The following LINGO2 variants were observed in gnomAD, a reference collection of about 807,000 sequenced individuals.
The protein encoded by LINGO2 is leucine-rich repeat and immunoglobulin-like domain-containing nogo receptor-interacting protein 2.
LINGO2 carries 14 observed loss-of-function variants against 30.6 expected under a neutral mutation model. The observed-to-expected ratio is 0.46, with a 90% CI of 0.30 to 0.72. LINGO2 has a LOEUF of 0.72. Among genes scored for constraint, LINGO2 ranks in the 30% least tolerant of loss-of-function variants. The pLI is 0.07. For missense variants in LINGO2, 729 were observed against 751.7 expected (o/e 0.97, Z 0.35); for synonymous variants, 317 against 288.5 (o/e 1.10, Z -1.00).
At chr9:28,312,328 A>T (rs1320756078) in intron 3 of LINGO2, among the ~76,000 whole-genome samples, 3 of 151,976 alleles carry the variant, frequency 2.0e-5, no homozygotes, top group African/African-American at 7.2e-5. Context: ...GAAAATTGTG[A>T]ATCATTTAAA....
intron 1 of LINGO2, among the ~76,000 whole-genome samples, chr9:28,504,675 T>A (rs1413987387): frequency 6.6e-6 from 1 of 151,580 alleles, no homozygotes; most frequent in African/African-American, 2.4e-5. Flanking sequence ...ATTTTATACC[T>A]AATAGATATA....
At chr9:27,997,143 G>T (rs1451950921) in intron 5 of LINGO2, among the ~76,000 whole-genome samples, 2 of 152,036 alleles carry the variant, frequency 1.3e-5, no homozygotes, top group Non-Finnish European at 2.9e-5. Flanking sequence ...GCTTTATACT[G>T]AATTTAATCA....
At chr9:28,010,001 A>G (rs1161788764) in intron 5 of LINGO2, among the ~76,000 whole-genome samples, 5 of 152,218 alleles carry the variant, frequency 3.3e-5, no homozygotes, top group African/African-American at 1.2e-4. Flanking sequence ...GGATAAATAA[A>G]ATGTGTTATC....
the LINGO2 span, among the ~76,000 whole-genome samples, chr9:28,803,492 T>G: frequency 6.6e-6 from 1 of 151,770 alleles, no homozygotes; most frequent in African/African-American, 2.4e-5. Flanking sequence ...TTAAATAATT[T>G]TAAATATGAT....
chr9:28,894,208 A>C, the LINGO2 span, among the ~76,000 whole-genome samples: 3 of 152,118 alleles, frequency 2.0e-5, no homozygotes, highest in Non-Finnish European at 4.4e-5. Context: ...GTCACAATAA[A>C]CATACGTGTG....
At chr9:28,500,998 G>A (rs1819859730) in intron 1 of LINGO2, among the ~76,000 whole-genome samples, 1 of 152,092 alleles carries the variant, frequency 6.6e-6, no homozygotes, top group Non-Finnish European at 1.5e-5. Context: ...AAAATAACAT[G>A]TAAGTAGTAG....
At chr9:28,031,016 T>C (rs1823641443) in intron 4 of LINGO2, among the ~76,000 whole-genome samples, 1 of 152,180 alleles carries the variant, frequency 6.6e-6, no homozygotes, top group Non-Finnish European at 1.5e-5. Context: ...ATTTAAATGA[T>C]ATGATCAATC....
chr9:28,925,366 C>A, the LINGO2 span, among the ~76,000 whole-genome samples: 4 of 152,258 alleles, frequency 2.6e-5, no homozygotes, highest in East Asian at 5.8e-4. Context: ...GGTATCAGCT[C>A]CCTGCCCAGA....
chr9:29,008,335 A>G, the LINGO2 span, among the ~76,000 whole-genome samples: 4 of 152,128 alleles, frequency 2.6e-5, no homozygotes, highest in Non-Finnish European at 5.9e-5. Flanking sequence ...ATTGATAGAT[A>G]TTTGGGTTGG....
chr9:29,079,387 T>C, the LINGO2 span, among the ~76,000 whole-genome samples: 1 of 151,974 alleles, frequency 6.6e-6, no homozygotes, highest in Non-Finnish European at 1.5e-5. Context: ...AGAAAATGTC[T>C]GCTAAAAGGC....
In LINGO2 at chr9:28,065,391, G is replaced by A. The variant is rs1448832940; in HGVS notation, c.-86-52986C>T. 2.0e-5 allele frequency among the ~76,000 whole-genome samples: 3 copies of A among 151,304 alleles called. No individual in the cohort carries two copies. The Admixed American group carries it at 2.0e-4, about 10-fold the overall frequency. ...TAAATACATGAATGACCTACAAAGA[G>A]GCCATTGTGAATAAGAGGGTGGGGG... On this transcript the variant is annotated intron_variant, in intron 4 of 5. Coordinates refer to ENST00000379992, the Ensembl canonical transcript of LINGO2.
At chr9:28,809,286 G>A in the LINGO2 span, among the ~76,000 whole-genome samples, 1 of 152,198 alleles carries the variant, frequency 6.6e-6, no homozygotes, top group Admixed American at 6.5e-5. Flanking sequence ...TATGAGGACT[G>A]ACAGAATCCT....
the LINGO2 span, among the ~76,000 whole-genome samples, chr9:28,790,605 A>T: frequency 6.6e-6 from 1 of 151,840 alleles, no homozygotes; most frequent in Admixed American, 6.6e-5. Context: ...AAATGCTGGG[A>T]TTACAGGCGT....
chr9:28,158,204 G>A (rs1470942491), intron 4 of LINGO2, among the ~76,000 whole-genome samples: 3 of 152,184 alleles, frequency 2.0e-5, no homozygotes, highest in Non-Finnish European at 4.4e-5. Flanking sequence ...TAGGAGAAGA[G>A]AGCTTGCGCA....
At chr9:28,525,535 C>T (rs975187933) in intron 1 of LINGO2, among the ~76,000 whole-genome samples, 1 of 152,064 alleles carries the variant, frequency 6.6e-6, no homozygotes, top group African/African-American at 2.4e-5. Flanking sequence ...ACATTGAGAA[C>T]ATTATGCTAA....
the LINGO2 span, among the ~76,000 whole-genome samples, chr9:28,761,664 AAAT>A: frequency 1.3e-5 from 2 of 151,948 alleles, no homozygotes; most frequent in Admixed American, 6.5e-5. Context: ...CCCCTAAGGA[AAAT>A]AATATCTTAT....
the LINGO2 span, among the ~76,000 whole-genome samples, chr9:28,843,568 A>C: frequency 1.3e-5 from 2 of 151,850 alleles, no homozygotes; most frequent in Non-Finnish European, 2.9e-5. Flanking sequence ...CGCATGAGGC[A>C]GAGTGTTAAC....
intron 4 of LINGO2, among the ~76,000 whole-genome samples, chr9:28,066,846 C>G (rs910633766): frequency 2.0e-5 from 3 of 152,100 alleles, no homozygotes; most frequent in South Asian, 4.1e-4. Flanking sequence ...CTGAGGTCAT[C>G]AATGTCTCTG....
At chr9:28,453,045 A>T (rs1564208394) in intron 2 of LINGO2, among the ~76,000 whole-genome samples, 1 of 151,952 alleles carries the variant, frequency 6.6e-6, no homozygotes. Context: ...GATATAAATA[A>T]AGATAATAGA....
Sources: gnomAD v4.1 joint callset for allele counts (sites outside exome capture counted in the v4.1 genomes callset) on GRCh38, gnomAD v4.1.1 for gene constraint, MANE v1.5 for transcripts, NCBI Gene and HGNC (gene_info 2026-07-23, HGNC 2026-07-21) for gene names.